Variants in TBC1D9 observed in about 807,000 individuals in gnomAD.
The protein encoded by TBC1D9 is TBC1 domain family member 9.
TBC1D9 carries 63 observed loss-of-function variants against 132.0 expected under a neutral mutation model. The observed-to-expected ratio is 0.48, with a 90% CI of 0.39 to 0.59. The LOEUF (loss-of-function observed/expected upper bound fraction) is 0.59, where lower values mean the gene tolerates loss of function less well. Among genes scored for constraint, TBC1D9 ranks in the 20% least tolerant of loss-of-function variants. The pLI is 0.00. For missense variants in TBC1D9, 1,261 were observed against 1,592.7 expected (o/e 0.79, Z 3.54); for synonymous variants, 610 against 609.9 (o/e 1.00, Z 0.00).
Position 140,657,859 on chromosome 4 carries a change from AGT to A in TBC1D9, c.1922-49_1922-48del, listed in dbSNP as rs750292612. 15 of 1,557,460 alleles carry A rather than the reference AGT, an allele frequency of 9.6e-6. No individual in the cohort carries two copies. In the African/African-American group the frequency reaches 2.0e-4, roughly 21 times the overall value. On this transcript the variant is annotated intron_variant, in intron 11 of 20. Coordinates refer to ENST00000442267, the MANE Select transcript of TBC1D9 (RefSeq NM_015130.3). Reference sequence around the variant, plus strand: ...AAAGGCGCAGCTTAGCCAACTACACAGTGTAACTAAAGAATCCATTCAAACAA... The same window carrying A: ...AAAGGCGCAGCTTAGCCAACTACACAGTAACTAAAGAATCCATTCAAACAA...
chr4:140,698,748 G>T (rs144839992), intron 2 of TBC1D9, among the ~76,000 whole-genome samples: 3 of 151,374 alleles, frequency 2.0e-5, no homozygotes, highest in African/African-American at 7.3e-5. Context: ...GGGGGTGGGG[G>T]GGGGAAAGAC....
At position 140,700,306 on chromosome 4, in the gene TBC1D9, T is replaced by C. The variant is rs866750597; in HGVS notation, c.241+1198A>G. Among the ~76,000 whole-genome samples, 3 of 151,552 alleles carry C rather than the reference T, an allele frequency of 2.0e-5. No homozygotes were observed. In the South Asian group the frequency reaches 6.3e-4, roughly 32 times the overall value. On this transcript the variant is annotated intron_variant, in intron 2 of 20. Coordinates refer to ENST00000442267, the MANE Select transcript of TBC1D9 (RefSeq NM_015130.3). Reference sequence around the variant, plus strand: ...CTCTACTAAAAATATAAAAATTAGCTGGGCGTGGTGGCATGAGCCTGTAAT... The same window carrying C: ...CTCTACTAAAAATATAAAAATTAGCCGGGCGTGGTGGCATGAGCCTGTAAT...
At chr4:140,633,570 A>C (rs1736830897) in intron 16 of TBC1D9, among the ~76,000 whole-genome samples, 1 of 152,156 alleles carries the variant, frequency 6.6e-6, no homozygotes, top group African/African-American at 2.4e-5. Context: ...ATTACATATA[A>C]AATTTACTAT....
chr4:140,730,553 C>T (rs1173810599), intron 1 of TBC1D9, among the ~76,000 whole-genome samples: 2 of 152,002 alleles, frequency 1.3e-5, no homozygotes, highest in Non-Finnish European at 2.9e-5. Context: ...ATGGCAAAAC[C>T]CCGTCTGTAC....
intron 18 of TBC1D9, 22 bp from the exon 19 acceptor site, chr4:140,624,410 G>C (rs761341760): frequency 6.3e-7 from 1 of 1,595,246 alleles, no homozygotes; most frequent in East Asian, 2.2e-5. Flanking sequence ...TGGTTCAGAA[G>C]AAAAAAGTAG....
chr4:140,641,090 C>CAAAAAAAAAAAAAAAAAAAAAAAAAAAAA (rs35813378), intron 13 of TBC1D9, among the ~76,000 whole-genome samples: 1 of 35,050 alleles, frequency 2.9e-5, no homozygotes, highest in Non-Finnish European at 4.9e-5. Flanking sequence ...TAATACTAAG[C>CAAAAAAAAAAAAAAAAAAAAAAAAAAAAA]AAAAAAAAAA....
intron 15 of TBC1D9, among the ~76,000 whole-genome samples, chr4:140,635,877 G>C (rs1736872018): frequency 6.6e-6 from 1 of 152,180 alleles, no homozygotes; most frequent in South Asian, 2.1e-4. Flanking sequence ...GCTGAGGTCA[G>C]AGTGGCCTGC....
rs542594921 is a variant in TBC1D9, at chr4:140,747,476, G to T, written c.130+8440C>A. On this transcript the variant is annotated intron_variant, in intron 1 of 20. Coordinates refer to ENST00000442267, the MANE Select transcript of TBC1D9 (RefSeq NM_015130.3). ...TTTCTACATACTGAGGATAATAATA[G>T]CATCTACCTTATAATGTCAGATAAG... 8.5e-5 allele frequency among the ~76,000 whole-genome samples: 13 copies of T among 152,106 alleles called. No homozygotes were observed. In the South Asian group the frequency reaches 1.7e-3, roughly 19 times the overall value.
chr4:140,732,194 A>G (rs1218744488), intron 1 of TBC1D9, among the ~76,000 whole-genome samples: 1 of 152,196 alleles, frequency 6.6e-6, no homozygotes, highest in Non-Finnish European at 1.5e-5. Context: ...CGAATAACAT[A>G]TAATATGCAG....
At chr4:140,700,445 G>A (rs1289993808) in intron 2 of TBC1D9, among the ~76,000 whole-genome samples, 7 of 148,718 alleles carry the variant, frequency 4.7e-5, no homozygotes, top group East Asian at 3.9e-4. Context: ...GCAAGACTCC[G>A]TCCCAAAAAA....
chr4:140,750,750 A>T (rs1331454230), intron 1 of TBC1D9, among the ~76,000 whole-genome samples: 1 of 152,070 alleles, frequency 6.6e-6, no homozygotes, highest in East Asian at 1.9e-4. Flanking sequence ...TGTCAATCAA[A>T]ATCTCAATAG....
At chr4:140,631,554 T>C (rs1736795324) in intron 16 of TBC1D9, among the ~76,000 whole-genome samples, 2 of 151,722 alleles carry the variant, frequency 1.3e-5, no homozygotes, top group Non-Finnish European at 1.5e-5. Context: ...TGGGGATTGA[T>C]ATAAAATTAC....
intron 3 of TBC1D9, among the ~76,000 whole-genome samples, chr4:140,681,128 C>T (rs1222045222): frequency 6.6e-6 from 1 of 152,128 alleles, no homozygotes; most frequent in Non-Finnish European, 1.5e-5. Context: ...CCAAATGTCC[C>T]GTTAGTAACT....
intron 1 of TBC1D9, among the ~76,000 whole-genome samples, chr4:140,754,185 T>C (rs1738968031): frequency 6.6e-6 from 1 of 152,180 alleles, no homozygotes; most frequent in East Asian, 1.9e-4. Context: ...TCCCTGAATT[T>C]TTCACATCCT....
chr4:140,746,776 T>A (rs1272740033), intron 1 of TBC1D9, among the ~76,000 whole-genome samples: 1 of 152,158 alleles, frequency 6.6e-6, no homozygotes, highest in East Asian at 1.9e-4. Flanking sequence ...TTCAATTATT[T>A]CCACTGGGTC....
intron 2 of TBC1D9, among the ~76,000 whole-genome samples, chr4:140,686,738 C>A (rs978413466): frequency 1.3e-5 from 2 of 152,110 alleles, no homozygotes; most frequent in South Asian, 4.1e-4. Flanking sequence ...CAGAAGGCAG[C>A]AATATTTCTC....
intron 16 of TBC1D9, among the ~76,000 whole-genome samples, chr4:140,632,800 C>A (rs1736818788): frequency 6.6e-6 from 1 of 152,156 alleles, no homozygotes; most frequent in Admixed American, 6.5e-5. Flanking sequence ...GAATTGTGCA[C>A]ATAAAAAGCA....
intron 6 of TBC1D9, among the ~76,000 whole-genome samples, chr4:140,674,113 T>A (rs543576321): frequency 3.6e-4 from 55 of 152,238 alleles, no homozygotes; most frequent in Non-Finnish European, 6.6e-4. Context: ...TAGCACATGA[T>A]GAAGAAAATT....
intron 1 of TBC1D9, among the ~76,000 whole-genome samples, chr4:140,712,525 G>A (rs901712377): frequency 6.9e-6 from 1 of 144,132 alleles, no homozygotes; most frequent in African/African-American, 2.7e-5. Flanking sequence ...GGCAAATCAC[G>A]AGGTCAAGAG....
Sources: gnomAD v4.1 joint callset for allele counts (sites outside exome capture counted in the v4.1 genomes callset) on GRCh38, gnomAD v4.1.1 for gene constraint, MANE v1.5 for transcripts, NCBI Gene and HGNC (gene_info 2026-07-23, HGNC 2026-07-21) for gene names.